SLC25A21: variants seen among roughly 807,000 people sequenced by gnomAD.
SLC25A21 encodes the protein mitochondrial 2-oxodicarboxylate carrier.
SLC25A21 carries 47 observed loss-of-function variants against 43.8 expected under a neutral mutation model. The observed-to-expected ratio is 1.07, with a 90% CI of 0.85 to 1.37. The LOEUF is 1.37. SLC25A21 is among the 40% of genes most tolerant of loss of function. The pLI, the probability that SLC25A21 is intolerant of heterozygous loss-of-function variation, is 0.00. For missense variants in SLC25A21, 352 were observed against 350.2 expected (o/e 1.00, Z -0.04); for synonymous variants, 131 against 121.3 (o/e 1.08, Z -0.52).
chr14:37,137,091 T>C (rs370406725), intron 1 of SLC25A21, among the ~76,000 whole-genome samples: 9 of 152,238 alleles, frequency 5.9e-5, no homozygotes, highest in East Asian at 1.9e-4. Context: ...AGCTCCGCCT[T>C]CCGGGTTCAC....
At chr14:36,829,591 T>C (rs1452325788) in intron 2 of SLC25A21, among the ~76,000 whole-genome samples, 1 of 152,196 alleles carries the variant, frequency 6.6e-6, no homozygotes. Flanking sequence ...ATTTAACTCA[T>C]GTACAAACTG....
intron 2 of SLC25A21, among the ~76,000 whole-genome samples, chr14:36,823,641 G>C (rs569235229): frequency 6.6e-6 from 1 of 152,260 alleles, no homozygotes; most frequent in East Asian, 1.9e-4. Flanking sequence ...TGAGAATAGA[G>C]AGGATCACAC....
intron 4 of SLC25A21, among the ~76,000 whole-genome samples, chr14:36,730,300 T>A (rs1159558883): frequency 6.6e-6 from 1 of 152,224 alleles, no homozygotes; most frequent in Non-Finnish European, 1.5e-5. Context: ...ATATAATACA[T>A]TTCCCCCCTT....
At chr14:36,784,785 C>T (rs1185580874) in intron 3 of SLC25A21, among the ~76,000 whole-genome samples, 2 of 152,178 alleles carry the variant, frequency 1.3e-5, no homozygotes, top group South Asian at 2.1e-4. Context: ...TACCATGTGT[C>T]AGACACTTGC....
At chr14:36,902,684 A>G (rs1891427911) in intron 1 of SLC25A21, among the ~76,000 whole-genome samples, 1 of 152,188 alleles carries the variant, frequency 6.6e-6, no homozygotes, top group Non-Finnish European at 1.5e-5. Flanking sequence ...AAATTTCTAT[A>G]TTCCCAAAAT....
rs549971457 is a variant in SLC25A21, at chr14:37,080,576, G to A, written c.70+91705C>T. ...GATCGTGCCACTGCACTTCCGCCTG[G>A]GTGACAGAGCAAGACCCTGCCTCAA... On this transcript the variant is annotated intron_variant, in intron 1 of 9. Transcript: ENST00000331299. Among the ~76,000 whole-genome samples, 20 of 152,196 alleles carry A rather than the reference G, an allele frequency of 1.3e-4. No individual in the cohort carries two copies. The South Asian group carries it at 3.9e-3, about 30-fold the overall frequency.
rs1359255229 is a variant in SLC25A21 at position 36,679,594 on chromosome 14, C to CTAAG, written c.*1060_*1063dup. On this transcript the variant is annotated 3_prime_UTR_variant, in exon 10 of 10. Transcript: ENST00000331299. ...GTTAGTATAGTAATCCTTAGAAATG[C>CTAAG]TAAGTGTATTTCTTTTTCAGAACAT... 4.1e-6 allele frequency: 4 copies of CTAAG among 985,208 alleles called. No homozygotes were observed. In the African/African-American group the frequency reaches 5.2e-5, roughly 13 times the overall value. 61.0% of individuals were successfully genotyped at this position (985,208 alleles called of 1,614,324 possible). A position where few individuals can be genotyped will look rare whatever the true frequency, so the allele number is the denominator to read the frequency against.
At chr14:36,816,798 C>G (rs1888472758) in intron 2 of SLC25A21, among the ~76,000 whole-genome samples, 1 of 152,156 alleles carries the variant, frequency 6.6e-6, no homozygotes, top group Non-Finnish European at 1.5e-5. Flanking sequence ...GCCACTACCC[C>G]TAGACAACAA....
chr14:36,857,700 G>A (rs561675831), intron 2 of SLC25A21, among the ~76,000 whole-genome samples: 2 of 152,310 alleles, frequency 1.3e-5, no homozygotes, highest in East Asian at 3.9e-4. Context: ...TGTATATGAA[G>A]CAGTTTAAGG....
At chr14:36,742,243 A>G (rs375962620) in intron 3 of SLC25A21, among the ~76,000 whole-genome samples, 5 of 152,152 alleles carry the variant, frequency 3.3e-5, no homozygotes, top group East Asian at 1.9e-4. Flanking sequence ...AAGGCATACA[A>G]TATCCTCTTT....
intron 1 of SLC25A21, among the ~76,000 whole-genome samples, chr14:36,937,027 C>A (rs182740582): frequency 7.2e-4 from 110 of 152,248 alleles, no homozygotes; most frequent in African/African-American, 2.6e-3. Flanking sequence ...GCTTGAGAGA[C>A]TAAAAGAGAA....
intron 7 of SLC25A21, among the ~76,000 whole-genome samples, chr14:36,709,904 C>T (rs1458590637): frequency 1.8e-4 from 27 of 152,020 alleles, no homozygotes; most frequent in Admixed American, 1.8e-3. Context: ...AAAAATGTTA[C>T]CCCAACTGGT....
At chr14:37,140,917 C>A (rs990037000) in intron 1 of SLC25A21, among the ~76,000 whole-genome samples, 1 of 151,916 alleles carries the variant, frequency 6.6e-6, no homozygotes, top group African/African-American at 2.4e-5. Flanking sequence ...GAGGCTGAGG[C>A]GGGTAGATCA....
chr14:36,952,165 G>A (rs112939099), intron 1 of SLC25A21: 4,146 of 152,612 alleles, frequency 0.027, 122 homozygotes, highest in Middle Eastern at 0.061. Flanking sequence ...CTAGGAGGTG[G>A]AGGTGCAGTG....
intron 2 of SLC25A21, among the ~76,000 whole-genome samples, chr14:36,866,994 C>T (rs1250161115): frequency 6.6e-6 from 1 of 152,110 alleles, no homozygotes; most frequent in Non-Finnish European, 1.5e-5. Flanking sequence ...CTTAAGATTA[C>T]ATGTGTGTGG....
intron 5 of SLC25A21, among the ~76,000 whole-genome samples, chr14:36,726,578 T>C (rs1002756550): frequency 6.6e-6 from 1 of 152,260 alleles, no homozygotes; most frequent in African/African-American, 2.4e-5. Context: ...TCTTATTCGC[T>C]ATCTGTTAAG....
At chr14:37,123,305 T>G (rs12889779) in intron 1 of SLC25A21, among the ~76,000 whole-genome samples, 34,688 of 152,118 alleles carry the variant, frequency 0.23, 4,484 homozygotes, top group South Asian at 0.3. Flanking sequence ...TTCCTCGATT[T>G]CAGTCACCAA....
intron 1 of SLC25A21, among the ~76,000 whole-genome samples, chr14:37,117,873 T>TCG (rs1963134544): frequency 6.6e-6 from 1 of 151,792 alleles, no homozygotes; most frequent in Non-Finnish European, 1.5e-5. Flanking sequence ...TGTTTGTTTT[T>TCG]TTTTTTTGTC....
At chr14:37,136,478 T>G (rs961916711) in intron 1 of SLC25A21, among the ~76,000 whole-genome samples, 2 of 152,196 alleles carry the variant, frequency 1.3e-5, no homozygotes, top group African/African-American at 2.4e-5. Context: ...GCCAGAGATG[T>G]TGTTATAATT....
Sources: allele counts gnomAD v4.1 joint callset (sites outside exome capture counted in the v4.1 genomes callset), GRCh38; gene constraint gnomAD v4.1.1; transcripts MANE v1.5; gene names NCBI Gene and HGNC (gene_info 2026-07-23, HGNC 2026-07-21).